The following OR2L13 variants were observed in gnomAD, a reference collection of about 807,000 sequenced individuals.
OR2L13 encodes the protein olfactory receptor family 2 subfamily L member 13.
OR2L13 carries 14 observed loss-of-function variants against 15.3 expected under a neutral mutation model. That is an observed-to-expected ratio of 0.91 (90% confidence interval 0.60 to 1.43). OR2L13 has a LOEUF of 1.43. Among genes scored for constraint, OR2L13 ranks in the 40% most tolerant of loss-of-function variants. OR2L13 has a pLI of 0.00. For missense variants in OR2L13, 367 were observed against 387.9 expected (o/e 0.95, Z 0.45); for synonymous variants, 152 against 142.9 (o/e 1.06, Z -0.45).
At chr1:247,994,757 T>TA in the OR2L13 span, among the ~76,000 whole-genome samples, 9 of 152,022 alleles carry the variant, frequency 5.9e-5, no homozygotes, top group South Asian at 2.1e-4. Flanking sequence ...GTGTTCTTAG[T>TA]AAAAAAAATC....
At chr1:248,095,577 G>T (rs941028709), upstream of OR2L13, among the ~76,000 whole-genome samples, 4 of 126,780 alleles carry the variant, frequency 3.2e-5, no homozygotes, top group African/African-American at 1.1e-4. Flanking sequence ...TGGAATGTTT[G>T]CAGATTATGA....
At chr1:247,957,510 A>G in the OR2L13 span, among the ~76,000 whole-genome samples, 2 of 152,318 alleles carry the variant, frequency 1.3e-5, no homozygotes, top group East Asian at 3.9e-4. Context: ...ATAGTTTCAG[A>G]AAGAATGGTA....
the OR2L13 span, among the ~76,000 whole-genome samples, chr1:247,977,776 T>C: frequency 6.6e-6 from 1 of 152,156 alleles, no homozygotes; most frequent in African/African-American, 2.4e-5. Flanking sequence ...ATTTAAAATG[T>C]TTTCCGGATC....
upstream of OR2L13, among the ~76,000 whole-genome samples, chr1:248,092,954 G>C (rs1572739603): frequency 6.6e-6 from 1 of 152,152 alleles, no homozygotes; most frequent in East Asian, 1.9e-4. Context: ...TGCAGATGAA[G>C]ATGGAAATGG....
the OR2L13 span, among the ~76,000 whole-genome samples, chr1:248,051,989 A>T: frequency 2.1e-4 from 32 of 152,286 alleles, no homozygotes; most frequent in Admixed American, 2.1e-3. Flanking sequence ...GCAATTTTTG[A>T]CATTATGATG....
chr1:247,967,849 C>T, the OR2L13 span, among the ~76,000 whole-genome samples: 2 of 148,060 alleles, frequency 1.4e-5, no homozygotes, highest in African/African-American at 2.6e-5. Flanking sequence ...CCTCTTCCTC[C>T]TTCTCCTCCT....
At chr1:248,010,149 T>C in the OR2L13 span, among the ~76,000 whole-genome samples, 2 of 152,094 alleles carry the variant, frequency 1.3e-5, no homozygotes, top group African/African-American at 4.8e-5. Flanking sequence ...CTGCATAGTA[T>C]TGGAAGTAGT....
At chr1:248,011,648 T>C in the OR2L13 span, among the ~76,000 whole-genome samples, 6 of 152,090 alleles carry the variant, frequency 3.9e-5, no homozygotes, top group African/African-American at 9.7e-5. Flanking sequence ...ATGATCTTTA[T>C]AGTAAGAGGA....
At chr1:248,006,243 A>ATG in the OR2L13 span, among the ~76,000 whole-genome samples, 8,702 of 139,592 alleles carry the variant, frequency 0.062, 194 homozygotes, top group Admixed American at 0.089. Context: ...ATTGCAAGAT[A>ATG]TGTGTGTGTG....
chr1:248,071,578 T>G, the OR2L13 span, among the ~76,000 whole-genome samples: 29 of 151,832 alleles, frequency 1.9e-4, no homozygotes, highest in Middle Eastern at 3.4e-3. Flanking sequence ...AGACAGGGAT[T>G]CCCTCTCTCA....
the OR2L13 span, among the ~76,000 whole-genome samples, chr1:247,938,173 T>A: frequency 4.6e-5 from 7 of 152,206 alleles, no homozygotes; most frequent in East Asian, 1.3e-3. Flanking sequence ...TTTACTTGAT[T>A]CCAGTCCTGT....
At chr1:247,952,124 A>G in the OR2L13 span, among the ~76,000 whole-genome samples, 2 of 152,172 alleles carry the variant, frequency 1.3e-5, no homozygotes, top group Admixed American at 6.5e-5. Flanking sequence ...CCTCTATCAC[A>G]TTCATACTCA....
chr1:248,066,962 A>C, the OR2L13 span, among the ~76,000 whole-genome samples: 1 of 152,244 alleles, frequency 6.6e-6, no homozygotes, highest in African/African-American at 2.4e-5. Context: ...GTAAATGATC[A>C]CAAGCATCTA....
the OR2L13 span, among the ~76,000 whole-genome samples, chr1:247,971,412 C>G: frequency 1.3e-5 from 2 of 152,104 alleles, no homozygotes; most frequent in Non-Finnish European, 2.9e-5. Flanking sequence ...GTTGTGCTCT[C>G]GGCTATCTAA....
the OR2L13 span, chr1:248,022,070 C>G: frequency 1.9e-6 from 3 of 1,613,828 alleles, no homozygotes; most frequent in South Asian, 3.3e-5. Flanking sequence ...TAATTGGAAA[C>G]CTATCCATGA....
At chr1:248,041,090 C>T in the OR2L13 span, 4 of 152,066 alleles carry the variant, frequency 2.6e-5, no homozygotes, top group Non-Finnish European at 4.4e-5. Flanking sequence ...GTAGTAGTTG[C>T]CTGATGTTGA....
chr1:248,065,363 A>G, the OR2L13 span, among the ~76,000 whole-genome samples: 4 of 152,182 alleles, frequency 2.6e-5, no homozygotes, highest in Middle Eastern at 3.4e-3. Flanking sequence ...AGTTTGATTT[A>G]TGGAAAGGGA....
chr1:248,090,008 A>G, the OR2L13 span, among the ~76,000 whole-genome samples: 1 of 152,124 alleles, frequency 6.6e-6, no homozygotes, highest in Non-Finnish European at 1.5e-5. Flanking sequence ...TTGATTTATG[A>G]CTTTTCCTGT....
At chr1:248,007,643 C>T in the OR2L13 span, among the ~76,000 whole-genome samples, 3 of 152,298 alleles carry the variant, frequency 2.0e-5, no homozygotes, top group South Asian at 2.1e-4. Flanking sequence ...GCCTCTTCCT[C>T]GTTTTAGCCA....
Sources: gnomAD v4.1 joint callset for allele counts (sites outside exome capture counted in the v4.1 genomes callset) on GRCh38, gnomAD v4.1.1 for gene constraint, MANE v1.5 for transcripts, NCBI Gene and HGNC (gene_info 2026-07-23, HGNC 2026-07-21) for gene names.